CYRIB: variants seen among roughly 807,000 people sequenced by gnomAD.
CYRIB encodes CYFIP related Rac1 interactor B, also known as CYFIP-related Rac1 interactor B.
In CYRIB, 8 loss-of-function variants were observed where a neutral mutation model predicts 44.2. That is an observed-to-expected ratio of 0.18 (90% CI 0.11 to 0.33). CYRIB has a LOEUF of 0.33. Ranked by LOEUF, CYRIB falls within the 10% of genes least tolerant of loss-of-function variation. The probability of loss-of-function intolerance (pLI) is 1.00; values close to 1 mark genes in which losing one functional copy is unlikely to be tolerated. For synonymous variants in CYRIB, 131 were observed against 127.2 expected (o/e 1.03, Z -0.20); for missense variants, 185 against 382.8 (o/e 0.48, Z 4.31).
Position 129,922,136 on chromosome 8 carries a change from C to T in CYRIB, c.-50+17472G>A, listed in dbSNP as rs138803107. 2.1e-3 allele frequency among the ~76,000 whole-genome samples: 325 copies of T among 152,294 alleles called. 1 individual carries two copies. The highest frequency in any genetic ancestry group is 7.4e-3 in the African/African-American group (308 of 41,570). The stretch of plus-strand genomic sequence containing the variant: ...TGGGCAGTATTTTCTTGCTGCTCAT[C>T]TGCCTCTGGTTATTGCTCATTTTGT... On this transcript the variant is annotated intron_variant, in intron 1 of 11. Transcript: ENST00000519824.
chr8:129,992,102 C>T (rs2096654106), intron 1 of CYRIB, among the ~76,000 whole-genome samples: 1 of 151,850 alleles, frequency 6.6e-6, no homozygotes, highest in African/African-American at 2.4e-5. Flanking sequence ...ATGCAGAGTG[C>T]TTAAGCCAAG....
intron 1 of CYRIB, among the ~76,000 whole-genome samples, chr8:129,919,041 TA>T (rs1260938355): frequency 1.3e-5 from 2 of 152,260 alleles, no homozygotes; most frequent in Non-Finnish European, 2.9e-5. Context: ...TTATTTTACT[TA>T]TTTTTTTAAG....
intron 1 of CYRIB, among the ~76,000 whole-genome samples, chr8:129,997,675 G>A (rs964081756): frequency 6.6e-6 from 1 of 152,196 alleles, no homozygotes; most frequent in Non-Finnish European, 1.5e-5. Flanking sequence ...AGAGAATCAC[G>A]ATGCAGCTAA....
chr8:130,001,525 C>CTTTT (rs1325066581), intron 1 of CYRIB, among the ~76,000 whole-genome samples: 114 of 120,326 alleles, frequency 9.5e-4, no homozygotes, highest in Middle Eastern at 4.8e-3. Flanking sequence ...AAAATAATTT[C>CTTTT]TTTTTTTTTT....
chr8:129,951,374 A>G (rs910385668), intron 2 of CYRIB, among the ~76,000 whole-genome samples: 4 of 151,864 alleles, frequency 2.6e-5, no homozygotes, highest in Non-Finnish European at 1.5e-5. Context: ...ATTAAAATCC[A>G]TCAACCTCAA....
chr8:130,001,521 ATTTC>A (rs2096906641), intron 1 of CYRIB, among the ~76,000 whole-genome samples: 1 of 138,868 alleles, frequency 7.2e-6, no homozygotes, highest in Non-Finnish European at 1.6e-5. Flanking sequence ...CCTGAAAATA[ATTTC>A]TTTTTTTTTT....
intron 2 of CYRIB, among the ~76,000 whole-genome samples, chr8:129,965,248 CTG>C (rs3077879): frequency 0.31 from 46,496 of 148,472 alleles, 7,610 homozygotes; most frequent in East Asian, 0.44. Context: ...CCCCCAGACA[CTG>C]TGTGTGTGTG....
chr8:129,957,981 A>T (rs1409005210), intron 2 of CYRIB, among the ~76,000 whole-genome samples: 1 of 149,714 alleles, frequency 6.7e-6, no homozygotes, highest in South Asian at 2.1e-4. Context: ...AAAAAAAAAA[A>T]TACAAAAAAT....
chr8:129,852,234 C>A, exon 8 of CYRIB: 1 of 1,564,766 alleles, frequency 6.4e-7, no homozygotes, highest in African/African-American at 1.4e-5. Context: ...AAAACAAAGA[C>A]ATTCGATTTG....
At chr8:129,968,227 G>A (rs1439727394) in intron 2 of CYRIB, among the ~76,000 whole-genome samples, 6 of 152,290 alleles carry the variant, frequency 3.9e-5, no homozygotes, top group East Asian at 3.9e-4. Flanking sequence ...AACTGTCATC[G>A]TCTCTCAGCT....
exon 8 of CYRIB, chr8:129,852,248 A>G: frequency 6.4e-7 from 1 of 1,571,744 alleles, no homozygotes; most frequent in Non-Finnish European, 8.6e-7. Context: ...CGATTTGCCA[A>G]TTCATTATTT....
chr8:129,913,810 A>C (rs1367771659), intron 1 of CYRIB, among the ~76,000 whole-genome samples: 1 of 152,212 alleles, frequency 6.6e-6, no homozygotes, highest in Non-Finnish European at 1.5e-5. Context: ...CTAGCATTTA[A>C]AACTGTCCCT....
chr8:129,917,506 A>G (rs1042327222), intron 1 of CYRIB, among the ~76,000 whole-genome samples: 1 of 152,194 alleles, frequency 6.6e-6, no homozygotes, highest in Non-Finnish European at 1.5e-5. Flanking sequence ...TTGTAATGGC[A>G]TAGGACACAA....
intron 1 of CYRIB, among the ~76,000 whole-genome samples, chr8:129,982,512 G>A (rs2096274871): frequency 6.6e-6 from 1 of 152,184 alleles, no homozygotes. Context: ...CTGCACACAG[G>A]GATGAACTTT....
chr8:129,886,741 T>C (rs1474863887), intron 2 of CYRIB, among the ~76,000 whole-genome samples: 1 of 152,048 alleles, frequency 6.6e-6, no homozygotes, highest in Non-Finnish European at 1.5e-5. Flanking sequence ...GCATCTGCCC[T>C]GACACTCCCC....
At chr8:129,878,153 CT>C (rs1233221227) in intron 3 of CYRIB, among the ~76,000 whole-genome samples, 1 of 152,146 alleles carries the variant, frequency 6.6e-6, no homozygotes, top group East Asian at 1.9e-4. Context: ...CCAATTTCCC[CT>C]GAAACCCAAT....
intron 3 of CYRIB, among the ~76,000 whole-genome samples, chr8:129,875,679 G>A (rs917272315): frequency 1.3e-5 from 2 of 152,142 alleles, no homozygotes; most frequent in African/African-American, 4.8e-5. Context: ...AAGACTAAAC[G>A]TCTAACTGAA....
At position 129,865,623 on chromosome 8, in the gene CYRIB, A is replaced by T. The variant is rs186811588; in HGVS notation, c.196-3289T>A. On this transcript the variant is annotated intron_variant, in intron 4 of 11. Coordinates refer to ENST00000519824, the Ensembl canonical transcript of CYRIB. The stretch of plus-strand genomic sequence containing the variant: ...GCAAGAGGCTTTTCTTAGGAATGAA[A>T]CAAATCTGGGTTAACCTAAACAAAA... 5.1e-4 allele frequency among the ~76,000 whole-genome samples: 78 copies of T among 152,354 alleles called. 1 individual carries two copies. The highest frequency in any genetic ancestry group is 3.4e-3 in the Middle Eastern group (1 of 294).
intron 2 of CYRIB, among the ~76,000 whole-genome samples, chr8:129,887,664 A>G (rs551419934): frequency 6.6e-6 from 1 of 152,336 alleles, no homozygotes; most frequent in East Asian, 1.9e-4. Context: ...CAGAGCTGCA[A>G]AAGGCATTAG....
Sources: allele counts gnomAD v4.1 joint callset (sites outside exome capture counted in the v4.1 genomes callset), GRCh38; gene constraint gnomAD v4.1.1; transcripts MANE v1.5; gene names NCBI Gene and HGNC (gene_info 2026-07-23, HGNC 2026-07-21).